Variants in PCDHGA9 observed in about 807,000 individuals in gnomAD.
PCDHGA9 encodes the protein protocadherin gamma subfamily A, 9.
In PCDHGA9, 37 loss-of-function variants were observed where a neutral mutation model predicts 62.5. That is an observed-to-expected ratio of 0.59 (90% CI 0.46 to 0.78). The LOEUF is 0.78. Ranked by LOEUF, PCDHGA9 falls within the 30% of genes least tolerant of loss-of-function variation. PCDHGA9 has a pLI of 0.00. For missense variants in PCDHGA9, 1,138 were observed against 1,166.2 expected, an observed-to-expected ratio of 0.98 and a Z score of 0.35; for synonymous variants, 459 against 484.6, an observed-to-expected ratio of 0.95 and a Z score of 0.69.
At chr5:141,506,735 G>A (rs1467217136) in intron 3 of PCDHGA9, among the ~76,000 whole-genome samples, 1 of 152,098 alleles carries the variant, frequency 6.6e-6, no homozygotes, top group Non-Finnish European at 1.5e-5. Context: ...TTAGAATAAT[G>A]CCTATTAATA....
intron 1 of PCDHGA9, chr5:141,478,354 C>G (rs141625672): frequency 2.8e-5 from 45 of 1,613,660 alleles, no homozygotes; most frequent in Non-Finnish European, 3.2e-5. Flanking sequence ...ACGCGGACGC[C>G]GTGCGGGGAG....
chr5:141,489,348 G>T lies in PCDHGA9; in HGVS notation c.2425-5459G>T. On this transcript the variant is annotated intron_variant, in intron 1 of 3. Coordinates refer to ENST00000573521, the MANE Select transcript of PCDHGA9 (RefSeq NM_018921.3). The surrounding 1 kb of genome is among the most constrained non-coding windows in gnomAD (Gnocchi z 4.5). ...CTGGGCAGCTTCGTTACTCAGTGGT[G>T]GAGGAGTCTGAGCCGGGGACGCTGG... is the stretch of plus-strand genomic sequence containing the variant. 1 of 1,611,876 alleles carries T rather than the reference G, an allele frequency of 6.2e-7. No homozygotes were observed. The highest frequency in any genetic ancestry group is 8.5e-7 in the Non-Finnish European group (1 of 1,178,502).
At chr5:141,418,655 G>A in intron 1 of PCDHGA9, 5 of 1,614,002 alleles carry the variant, frequency 3.1e-6, no homozygotes, top group Non-Finnish European at 4.2e-6. Flanking sequence ...GAGAGTGAAG[G>A]CCACTGACCA....
At chr5:141,421,213 G>C (rs916345810) in intron 1 of PCDHGA9, 3 of 1,548,472 alleles carry the variant, frequency 1.9e-6, no homozygotes, top group Admixed American at 4.1e-5. Context: ...GCGGAATATC[G>C]GCTTAGAGCC....
intron 1 of PCDHGA9, among the ~76,000 whole-genome samples, chr5:141,474,379 T>A (rs1451968368): frequency 6.6e-6 from 1 of 152,208 alleles, no homozygotes; most frequent in Non-Finnish European, 1.5e-5. Flanking sequence ...GAGGAGGGCA[T>A]TTCTGCATTT....
At position 141,404,488 on chromosome 5, in the gene PCDHGA9, T is replaced by A; in HGVS notation, c.1536T>A (p.Gly512=). The change falls in exon 1 of 4, where the codon GGT becomes GGA. Residue 512 remains glycine (G), a synonymous_variant. Transcript: ENST00000573521. Reference sequence around the variant, plus strand: ...ATGTCTCTATTAACTCAGACACTGGTGTGCTGTATGCTCTGTGCTCCTTTG... The same window carrying A: ...ATGTCTCTATTAACTCAGACACTGGAGTGCTGTATGCTCTGTGCTCCTTTG... ...STYVSINSDT[G]VLYALCSFDY... The A allele has an allele frequency of 6.2e-7, 1 of 1,613,536 alleles. No individual in the cohort carries two copies. The highest frequency in any genetic ancestry group is 8.5e-7 in the Non-Finnish European group (1 of 1,179,660).
At chr5:141,413,979 C>T in intron 1 of PCDHGA9, 1 of 1,613,394 alleles carries the variant, frequency 6.2e-7, no homozygotes, top group Non-Finnish European at 8.5e-7. Flanking sequence ...TGCTGACAGT[C>T]ACAGCCACCG....
chr5:141,467,907 C>A (rs1166486426), intron 1 of PCDHGA9, among the ~76,000 whole-genome samples: 1 of 152,156 alleles, frequency 6.6e-6, no homozygotes, highest in Non-Finnish European at 1.5e-5. Flanking sequence ...AATCCGCCCA[C>A]CTCAGCCTCC....
rs2095194600 is a variant in PCDHGA9 at position 141,408,919 on chromosome 5, C to T, written c.2424+3543C>T. On this transcript the variant is annotated intron_variant, in intron 1 of 3. Transcript: ENST00000573521. The stretch of plus-strand genomic sequence containing the variant: ...CTGTCAAGGATACCAATGATAACCC[C>T]CCGGTTTTCAGCAGAGACGAATATA... 2.5e-6 allele frequency: 4 copies of T among 1,613,346 alleles called. No individual in the cohort carries two copies. The African/African-American group carries it at 4.0e-5, about 16-fold the overall frequency.
intron 2 of PCDHGA9, among the ~76,000 whole-genome samples, chr5:141,500,023 G>C (rs1393994881): frequency 1.3e-5 from 2 of 151,754 alleles, no homozygotes; most frequent in Admixed American, 6.6e-5. Flanking sequence ...TTTTATATTT[G>C]AGTGAGTGTC....
Position 141,432,097 on chromosome 5 carries a change from C to A in PCDHGA9, c.2424+26721C>A. The A allele has an allele frequency of 1.9e-6, 3 of 1,614,184 alleles. No individual in the cohort carries two copies. Among genetic ancestry groups the A allele is most frequent in the Non-Finnish European group, 1.7e-6 (2 of 1,180,034 alleles). On this transcript the variant is annotated intron_variant, in intron 1 of 3. Transcript: ENST00000573521. This position sits in a 1 kb window ranked among gnomAD's most constrained non-coding sequence, Gnocchi z 6.0. ...TCTCGCTGAACGTGGCAGACACCAA[C>A]GACAACCCGCCGGTCTTCCCTCAGG...
Position 141,432,909 on chromosome 5 carries a change from G to A in PCDHGA9, c.2424+27533G>A, listed in dbSNP as rs773372764. On this transcript the variant is annotated intron_variant, in intron 1 of 3. Coordinates refer to ENST00000573521, the MANE Select transcript of PCDHGA9 (RefSeq NM_018921.3). The surrounding 1 kb of genome is among the most constrained non-coding windows in gnomAD (Gnocchi z 6.0). ...ATCTTGCTGCTGGCGCTCAGGCTGCGGCGCTGGCACAAGTCACGCCTGCTG... is the reference window on the plus strand; with the variant it reads ...ATCTTGCTGCTGGCGCTCAGGCTGCAGCGCTGGCACAAGTCACGCCTGCTG... 9 of 1,614,038 alleles carry A rather than the reference G, an allele frequency of 5.6e-6. No homozygotes were observed. The highest frequency in any genetic ancestry group is 4.5e-5 in the East Asian group (2 of 44,880).
chr5:141,413,839 G>T (rs971599906), intron 1 of PCDHGA9: 1 of 1,613,310 alleles, frequency 6.2e-7, no homozygotes, highest in African/African-American at 1.3e-5. Flanking sequence ...CTCCGACGGG[G>T]GTGACCCTCT....
At chr5:141,462,122 C>A (rs1437400069) in intron 1 of PCDHGA9, among the ~76,000 whole-genome samples, 3 of 152,044 alleles carry the variant, frequency 2.0e-5, no homozygotes, top group Admixed American at 6.6e-5. Context: ...TGCACCCAGT[C>A]CAATTTTTTG....
chr5:141,481,261 C>T lies in PCDHGA9; in HGVS notation c.2425-13546C>T, dbSNP rs2099534823. ...TACATAGCATAGCTCTAAAAGATCA[C>T]TGTAGGAAGACATAAAATGGTATTT... On this transcript the variant is annotated intron_variant, in intron 1 of 3. Coordinates refer to ENST00000573521, the MANE Select transcript of PCDHGA9 (RefSeq NM_018921.3). Among the ~76,000 whole-genome samples, 3 of 152,252 alleles carry T rather than the reference C, an allele frequency of 2.0e-5. No individual in the cohort carries two copies. The East Asian group carries it at 5.8e-4, about 29-fold the overall frequency.
Position 141,409,216 on chromosome 5 carries a change from T to G in PCDHGA9, c.2424+3840T>G, listed in dbSNP as rs368791778. 9.9e-6 allele frequency: 16 copies of G among 1,613,886 alleles called. No individual in the cohort carries two copies. The African/African-American group carries it at 1.1e-4, about 11-fold the overall frequency. ...AGTGTAAAGTAATCATAGAAATCCT[T>G]GATGAAAACGACAACAGCCCAGAAA... is the stretch of plus-strand genomic sequence containing the variant. On this transcript the variant is annotated intron_variant, in intron 1 of 3. Coordinates refer to ENST00000573521, the MANE Select transcript of PCDHGA9 (RefSeq NM_018921.3).
chr5:141,435,910 G>T (rs1296707748), intron 1 of PCDHGA9, among the ~76,000 whole-genome samples: 2 of 152,112 alleles, frequency 1.3e-5, no homozygotes, highest in Non-Finnish European at 2.9e-5. Flanking sequence ...ACATCCAAGG[G>T]CTCTAAAATG....
rs1461837957 is a variant in PCDHGA9, at chr5:141,432,613, G to C, written c.2424+27237G>C. The C allele has an allele frequency of 6.2e-7, 1 of 1,613,946 alleles. No homozygotes were observed. The highest frequency in any genetic ancestry group is 1.3e-5 in the African/African-American group (1 of 75,056). On this transcript the variant is annotated intron_variant, in intron 1 of 3. Coordinates refer to ENST00000573521, the MANE Select transcript of PCDHGA9 (RefSeq NM_018921.3). The surrounding 1 kb of genome is among the most constrained non-coding windows in gnomAD (Gnocchi z 6.0). ...AGGCCAGCGAGCCGGGACTCTTCTC[G>C]GTGGGTCTGCACACGGGCGAGGTGC...
chr5:141,432,974 C>T lies in PCDHGA9; in HGVS notation c.2424+27598C>T. ...CGGCTTGACAGGAGCGCCGGCGTCG[C>T]ACTTTGTGGGCGTGGACGGGGTGCA... On this transcript the variant is annotated intron_variant, in intron 1 of 3. Coordinates refer to ENST00000573521, the MANE Select transcript of PCDHGA9 (RefSeq NM_018921.3). This position sits in a 1 kb window ranked among gnomAD's most constrained non-coding sequence, Gnocchi z 6.0. 6.2e-7 allele frequency: 1 copy of T among 1,614,204 alleles called. No individual in the cohort carries two copies. Among genetic ancestry groups the T allele is most frequent in the Non-Finnish European group, 8.5e-7 (1 of 1,180,030 alleles).
Sources: gnomAD v4.1 joint callset for allele counts (sites outside exome capture counted in the v4.1 genomes callset) on GRCh38, gnomAD v4.1.1 for gene constraint, Gnocchi (gnomAD v3.1) non-coding constraint, MANE v1.5 for transcripts, NCBI Gene and HGNC (gene_info 2026-07-23, HGNC 2026-07-21) for gene names.